Variants in ACOX2 observed in about 807,000 individuals in gnomAD.
ACOX2 encodes the protein peroxisomal acyl-coenzyme A oxidase 2.
A neutral mutation model predicts 77.5 loss-of-function variants in ACOX2; 59 were observed. That is an observed-to-expected ratio of 0.76 (90% CI 0.62 to 0.95). The LOEUF (loss-of-function observed/expected upper bound fraction) is 0.95. Among genes scored for constraint, ACOX2 ranks in the 40% least tolerant of loss-of-function variants. The pLI is 0.00. For missense variants in ACOX2, 837 were observed against 880.4 expected (o/e 0.95, Z 0.62); for synonymous variants, 317 against 340.1 (o/e 0.93, Z 0.75).
chr3:58,510,843 TG>T, intron 13 of ACOX2: 1 of 386,088 alleles, frequency 2.6e-6, no homozygotes, highest in Non-Finnish European at 5.1e-6. Context: ...TAACTATACA[TG>T]GCTGGAAAAA....
chr3:58,510,262 A>C (rs573797543), intron 13 of ACOX2, among the ~76,000 whole-genome samples: 6 of 152,142 alleles, frequency 3.9e-5, no homozygotes, highest in Admixed American at 6.6e-5. Flanking sequence ...CCGCCAATTT[A>C]ATGTCCCCCT....
In ACOX2 at chr3:58,535,603, T is replaced by C. The variant is rs2063476089; in HGVS notation, c.-91-406A>G. ...GACCACAAAGCACATGACTTGTCCATACTACAGCTCCACTGTGGAGGATTG... is the reference window on the plus strand; with the variant it reads ...GACCACAAAGCACATGACTTGTCCACACTACAGCTCCACTGTGGAGGATTG... On this transcript the variant is annotated intron_variant, in intron 1 of 14. Transcript: ENST00000302819. This position sits in a 1 kb window ranked among gnomAD's most constrained non-coding sequence, Gnocchi z 4.8. Among the ~76,000 whole-genome samples, 1 of 152,138 alleles carries C rather than the reference T, an allele frequency of 6.6e-6. No individual in the cohort carries two copies. The highest frequency in any genetic ancestry group is 1.5e-5 in the Non-Finnish European group (1 of 68,032).
rs1472305762 is a variant in ACOX2 at position 58,519,426 on chromosome 3, A to G, written c.1633-2003T>C. On this transcript the variant is annotated intron_variant, in intron 12 of 14. Coordinates refer to ENST00000302819, the MANE Select transcript of ACOX2 (RefSeq NM_003500.4). This position sits in a 1 kb window ranked among gnomAD's most constrained non-coding sequence, Gnocchi z 5.0. ...CTTGGGGGTTCAAAGGAGTTCACCC[A>G]GGCGGACATGAGTTGGGGGAAAGGT... Among the ~76,000 whole-genome samples, 2 of 152,130 alleles carry G rather than the reference A, an allele frequency of 1.3e-5. No individual in the cohort carries two copies. Among genetic ancestry groups the G allele is most frequent in the East Asian group, 3.9e-4 (2 of 5,182 alleles).
At position 58,517,364 on chromosome 3, in the gene ACOX2, A is replaced by T; in HGVS notation, c.1692T>A (p.Asn564Lys). 1 of 1,614,092 alleles carries T rather than the reference A, an allele frequency of 6.2e-7. No homozygotes were observed. The highest frequency in any genetic ancestry group is 8.5e-7 in the Non-Finnish European group (1 of 1,180,006). Residue 564 changes from asparagine (N) to lysine (K), a missense_variant, in exon 13 of 15, where the codon AAT (asparagine) becomes AAA (lysine). Transcript: ENST00000302819. ...TGAGCACCTGCTGAATCGCTGGTTC[A>T]TTTTCTAGTTTCTCCAGAGCTTCTG... The part of the protein sequence containing the change: ...GFTEALEKLE[N>K]EPAIQQVLKR...
At position 58,523,193 on chromosome 3, in the gene ACOX2, T is replaced by A. The variant is rs2063371959; in HGVS notation, c.1527-592A>T. On this transcript the variant is annotated intron_variant, in intron 11 of 14. Coordinates refer to ENST00000302819, the MANE Select transcript of ACOX2 (RefSeq NM_003500.4). The surrounding 1 kb of genome is among the most constrained non-coding windows in gnomAD (Gnocchi z 5.3). The stretch of plus-strand genomic sequence containing the variant: ...GCCCATCCATCCATGACCCTTAGAA[T>A]TTGTGTGTAAAGCAAACTGTTTATT... 6.6e-6 allele frequency among the ~76,000 whole-genome samples: 1 copy of A among 152,224 alleles called. No homozygotes were observed. Among genetic ancestry groups the A allele is most frequent in the Non-Finnish European group, 1.5e-5 (1 of 68,040 alleles).
At position 58,534,537 on chromosome 3, in the gene ACOX2, G is replaced by T. The variant is rs2063466701; in HGVS notation, c.161-15C>A. ...GATGATGCTCTCTGCAGAGGACAGAGAACAGAGGGCTTAGGGACCTGGGTG... is the reference window on the plus strand; with the variant it reads ...GATGATGCTCTCTGCAGAGGACAGATAACAGAGGGCTTAGGGACCTGGGTG... On this transcript the variant is annotated splice_polypyrimidine_tract_variant and intron_variant, in intron 2 of 14. Coordinates refer to ENST00000302819, the MANE Select transcript of ACOX2 (RefSeq NM_003500.4). This position sits in a 1 kb window ranked among gnomAD's most constrained non-coding sequence, Gnocchi z 4.8. 3 of 1,614,066 alleles carry T rather than the reference G, an allele frequency of 1.9e-6. No individual in the cohort carries two copies. Among genetic ancestry groups the T allele is most frequent in the African/African-American group, 1.3e-5 (1 of 74,922 alleles).
chr3:58,529,055 A>T (rs1490557998), intron 8 of ACOX2, 99 bp from the exon 9 acceptor site: 12 of 1,304,962 alleles, frequency 9.2e-6, no homozygotes, highest in Non-Finnish European at 1.0e-5. Flanking sequence ...ACAGTTCCTT[A>T]GAACTCATTG....
Position 58,534,894 on chromosome 3 carries a change from C to T in ACOX2, c.160+53G>A. The T allele has an allele frequency of 2.5e-6, 4 of 1,609,520 alleles. No homozygotes were observed. Among genetic ancestry groups the T allele is most frequent in the Non-Finnish European group, 3.4e-6 (4 of 1,176,480 alleles). ...AACTGCTAATGAAGGACTCTTCTTA[C>T]AAGAGAAGCATGGGGCATAAAACAG... On this transcript the variant is annotated intron_variant, in intron 2 of 14. Transcript: ENST00000302819. The surrounding 1 kb of genome is among the most constrained non-coding windows in gnomAD (Gnocchi z 4.8).
Position 58,528,744 on chromosome 3 carries a change from C to T in ACOX2, c.1155+50G>A. 6.4e-7 allele frequency: 1 copy of T among 1,555,470 alleles called. No individual in the cohort carries two copies. Among genetic ancestry groups the T allele is most frequent in the Non-Finnish European group, 8.7e-7 (1 of 1,151,414 alleles). On this transcript the variant is annotated intron_variant, in intron 9 of 14. Transcript: ENST00000302819. This position sits in a 1 kb window ranked among gnomAD's most constrained non-coding sequence, Gnocchi z 5.6. ...GCTGCTCCCCAGTGAGTGGAACAAT[C>T]TTAGCTCCCAGCGCCTGCCAGCGCC...
chr3:58,507,853 G>A (rs1034858493), intron 14 of ACOX2, among the ~76,000 whole-genome samples: 3 of 152,276 alleles, frequency 2.0e-5, no homozygotes, highest in South Asian at 4.1e-4. Flanking sequence ...TAAGCCATGT[G>A]GTATGACAGG....
At chr3:58,508,837 T>A (rs1315825418) in intron 14 of ACOX2, 56 bp downstream of exon 14, 13 of 1,599,366 alleles carry the variant, frequency 8.1e-6, no homozygotes, top group Non-Finnish European at 1.1e-5. Context: ...TGAAGGTGTA[T>A]TCACTGCCTG....
intron 13 of ACOX2, 45 bp downstream of exon 13, chr3:58,517,161 G>A (rs367591551): frequency 1.4e-5 from 22 of 1,598,842 alleles, no homozygotes; most frequent in Non-Finnish European, 1.9e-5. Flanking sequence ...AAGGGGTAGG[G>A]TTATTCTCTG....
chr3:58,517,065 G>A, intron 13 of ACOX2, 141 bp downstream of exon 13: 2 of 765,088 alleles, frequency 2.6e-6, no homozygotes, highest in East Asian at 2.7e-5. Flanking sequence ...TTATGCTGGT[G>A]TAATGATAAT....
At position 58,523,467 on chromosome 3, in the gene ACOX2, A is replaced by AAATG. The variant is rs1197101208; in HGVS notation, c.1527-870_1527-867dup. Among the ~76,000 whole-genome samples the AAATG allele has an allele frequency of 6.6e-6, 1 of 152,258 alleles. No homozygotes were observed. Among genetic ancestry groups the AAATG allele is most frequent in the Non-Finnish European group, 1.5e-5 (1 of 68,048 alleles). ...GTTAATAAATATTTTTGGAATAAAT[A>AAATG]AATGAATGTTCCAAGTTGCTTGTGA... On this transcript the variant is annotated intron_variant, in intron 11 of 14. Coordinates refer to ENST00000302819, the MANE Select transcript of ACOX2 (RefSeq NM_003500.4). The surrounding 1 kb of genome is among the most constrained non-coding windows in gnomAD (Gnocchi z 5.3).
chr3:58,508,827 T>C, intron 14 of ACOX2, 66 bp downstream of exon 14: 1 of 1,574,028 alleles, frequency 6.4e-7, no homozygotes, highest in Non-Finnish European at 8.7e-7. Flanking sequence ...TGGGAGAACA[T>C]GAAGGTGTAT....
chr3:58,510,651 A>AT (rs2063273006), intron 13 of ACOX2, among the ~76,000 whole-genome samples: 2 of 39,378 alleles, frequency 5.1e-5, no homozygotes, highest in African/African-American at 1.1e-4. Context: ...AAAAAAAAAA[A>AT]AAAAAAAAAA....
In ACOX2 at chr3:58,534,905, T is replaced by C. The variant is rs1411666389; in HGVS notation, c.160+42A>G. 1 of 1,611,866 alleles carries C rather than the reference T, an allele frequency of 6.2e-7. No homozygotes were observed. Reference sequence around the variant, plus strand: ...AAGGACTCTTCTTACAAGAGAAGCATGGGGCATAAAACAGATGTCCCATTC... The same window carrying C: ...AAGGACTCTTCTTACAAGAGAAGCACGGGGCATAAAACAGATGTCCCATTC... On this transcript the variant is annotated intron_variant, in intron 2 of 14. Coordinates refer to ENST00000302819, the MANE Select transcript of ACOX2 (RefSeq NM_003500.4). The surrounding 1 kb of genome is among the most constrained non-coding windows in gnomAD (Gnocchi z 4.8).
chr3:58,506,624 C>G (rs968343456), intron 14 of ACOX2, among the ~76,000 whole-genome samples: 3 of 152,100 alleles, frequency 2.0e-5, no homozygotes, highest in Non-Finnish European at 2.9e-5. Context: ...GAAACCCCAT[C>G]TCTACTAATA....
rs910803544 is a variant in ACOX2, at chr3:58,535,356, G to A, written c.-91-159C>T. ...GTGTGCATGGTAGGCATGGTATGCA[G>A]CCATTGCTTGGTACATGTTTGTTCA... On this transcript the variant is annotated intron_variant, in intron 1 of 14. Transcript: ENST00000302819. The surrounding 1 kb of genome is among the most constrained non-coding windows in gnomAD (Gnocchi z 4.8). 1.8e-6 allele frequency: 1 copy of A among 551,076 alleles called. No homozygotes were observed. The highest frequency in any genetic ancestry group is 3.3e-6 in the Non-Finnish European group (1 of 307,454). 34.1% of individuals were successfully genotyped at this position (551,076 alleles called of 1,614,324 possible).
Sources: gnomAD v4.1 joint callset for allele counts (sites outside exome capture counted in the v4.1 genomes callset) on GRCh38, gnomAD v4.1.1 for gene constraint, Gnocchi (gnomAD v3.1) non-coding constraint, MANE v1.5 for transcripts, NCBI Gene and HGNC (gene_info 2026-07-23, HGNC 2026-07-21) for gene names.